Variants in RIMS2 observed in about 807,000 individuals in gnomAD.
RIMS2 encodes the protein regulating synaptic membrane exocytosis protein 2.
In RIMS2, 59 loss-of-function variants were observed where a neutral mutation model predicts 174.4. The ratio of observed to expected loss-of-function variants is 0.34; its 90% CI spans 0.27 to 0.42. RIMS2 has a LOEUF of 0.42. RIMS2 is among the 10% of genes least tolerant of loss of function. The probability of loss-of-function intolerance (pLI) is 1.00; values close to 1 mark genes in which losing one functional copy is unlikely to be tolerated. For synonymous variants in RIMS2, 606 were observed against 572.5 expected (o/e 1.06, Z -0.84); for missense variants, 1,620 against 1,666.3 (o/e 0.97, Z 0.48).
intron 3 of RIMS2, among the ~76,000 whole-genome samples, chr8:103,875,217 A>G (rs922538908): frequency 1.6e-4 from 24 of 151,938 alleles, no homozygotes; most frequent in Admixed American, 1.4e-3. Context: ...CCTGTCCCCT[A>G]TATAGTGTAT....
At chr8:104,167,575 T>C (rs550870916) in intron 19 of RIMS2, among the ~76,000 whole-genome samples, 12 of 152,210 alleles carry the variant, frequency 7.9e-5, no homozygotes, top group Admixed American at 7.2e-4. Context: ...TGGATATTAG[T>C]CCTTTGTCAG....
chr8:103,961,045 T>G lies in RIMS2; in HGVS notation c.2702-20T>G. Reference sequence around the variant, plus strand: ...TTAGAGAATCAGAATTTTTAATTATTGCTATTGTTTACTTTATAGGGTCAA... The same window carrying G: ...TTAGAGAATCAGAATTTTTAATTATGGCTATTGTTTACTTTATAGGGTCAA... On this transcript the variant is annotated intron_variant, in intron 14 of 23. Coordinates refer to ENST00000504942, the Ensembl canonical transcript of RIMS2. 8.0e-7 allele frequency: 1 copy of G among 1,247,242 alleles called. No individual in the cohort carries two copies. The allele number at this position is 1,247,242 out of a possible 1,614,324, so 77.3% of individuals were successfully genotyped here.
intron 1 of RIMS2, among the ~76,000 whole-genome samples, chr8:103,542,899 A>G (rs918384143): frequency 6.6e-6 from 1 of 152,194 alleles, no homozygotes; most frequent in African/African-American, 2.4e-5. Context: ...TTACATCACA[A>G]ACTCACAACT....
intron 3 of RIMS2, among the ~76,000 whole-genome samples, chr8:103,805,100 A>T (rs368304571): frequency 1.3e-5 from 2 of 150,954 alleles, no homozygotes; most frequent in African/African-American, 5.0e-5. Context: ...GCCTCATTTA[A>T]AAAAAAGTGT....
chr8:104,223,933 C>T, intron 19 of RIMS2: 1 of 668,212 alleles, frequency 1.5e-6, no homozygotes, highest in Non-Finnish European at 2.5e-6. Flanking sequence ...GGGGCGACAG[C>T]CCTAGAGCAC....
intron 3 of RIMS2, among the ~76,000 whole-genome samples, chr8:103,829,878 AC>A: frequency 6.6e-6 from 1 of 152,318 alleles, no homozygotes; most frequent in Admixed American, 6.5e-5. Flanking sequence ...AGATAATAAC[AC>A]TATGATGATG....
intron 19 of RIMS2, among the ~76,000 whole-genome samples, chr8:104,072,430 A>C (rs1460368028): frequency 6.6e-6 from 1 of 152,180 alleles, no homozygotes; most frequent in East Asian, 1.9e-4. Flanking sequence ...TTTAACAAAT[A>C]AGGGAACTAA....
intron 1 of RIMS2, among the ~76,000 whole-genome samples, chr8:103,573,542 G>A (rs2092992416): frequency 6.6e-6 from 1 of 152,010 alleles, no homozygotes. Flanking sequence ...GTGCAGCTTT[G>A]TTTTTGGGTT....
chr8:103,777,840 T>A (rs898602146), intron 3 of RIMS2, among the ~76,000 whole-genome samples: 2 of 151,988 alleles, frequency 1.3e-5, no homozygotes, highest in African/African-American at 4.8e-5. Context: ...CTTAAAAAGA[T>A]AAAAATAGAA....
intron 3 of RIMS2, among the ~76,000 whole-genome samples, chr8:103,780,133 T>C (rs563753542): frequency 6.6e-6 from 1 of 152,310 alleles, no homozygotes; most frequent in South Asian, 2.1e-4. Flanking sequence ...GAGTCCTTTA[T>C]ATGTTACTTG....
At chr8:103,681,429 T>C (rs988959993) in intron 1 of RIMS2, among the ~76,000 whole-genome samples, 4 of 151,926 alleles carry the variant, frequency 2.6e-5, no homozygotes, top group East Asian at 1.9e-4. Flanking sequence ...GGAAATCAAA[T>C]TGGGGAAGGG....
chr8:103,884,661 A>G (rs930094552), intron 3 of RIMS2, among the ~76,000 whole-genome samples: 1 of 151,910 alleles, frequency 6.6e-6, no homozygotes, highest in African/African-American at 2.4e-5. Context: ...TCTGATTTCT[A>G]GGATTTTTGT....
intron 19 of RIMS2, among the ~76,000 whole-genome samples, chr8:104,075,349 G>A (rs572876555): frequency 3.3e-5 from 5 of 152,288 alleles, no homozygotes; most frequent in Admixed American, 3.3e-4. Flanking sequence ...AATGAATGAA[G>A]CATTCTTCTT....
intron 1 of RIMS2, among the ~76,000 whole-genome samples, chr8:103,544,535 A>G (rs1587295279): frequency 6.6e-6 from 1 of 151,924 alleles, no homozygotes; most frequent in Admixed American, 6.6e-5. Flanking sequence ...AGGGCAGGCA[A>G]CTCTACCCTC....
rs1398917679 is a variant in RIMS2 at position 103,604,477 on chromosome 8, C to T, written c.177-92609C>T. Among the ~76,000 whole-genome samples the T allele has an allele frequency of 3.9e-3, 592 of 151,782 alleles. 2 individuals carry two copies. The highest frequency in any genetic ancestry group is 8.0e-3 in the African/African-American group (330 of 41,408). On this transcript the variant is annotated intron_variant, in intron 1 of 23. Transcript: ENST00000504942. ...TTTTGGCTTAGGATTGACTTGGCAA[C>T]GCGGGCTCTTTTTTGGTTCCATATG...
At chr8:103,997,167 T>C (rs753934954) in intron 17 of RIMS2, among the ~76,000 whole-genome samples, 33 of 151,834 alleles carry the variant, frequency 2.2e-4, no homozygotes, top group Admixed American at 3.9e-4. Context: ...TATTTTAAGA[T>C]GTTCTATGTT....
intron 3 of RIMS2, among the ~76,000 whole-genome samples, chr8:103,831,537 G>C (rs1273613607): frequency 6.6e-6 from 1 of 152,140 alleles, no homozygotes; most frequent in Non-Finnish European, 1.5e-5. Context: ...GGACACAGAG[G>C]AGCTCCAGAG....
intron 19 of RIMS2, among the ~76,000 whole-genome samples, chr8:104,121,886 G>A (rs993093103): frequency 4.6e-5 from 7 of 152,242 alleles, no homozygotes; most frequent in Non-Finnish European, 7.4e-5. Context: ...ACTTGAATCC[G>A]GAAGGCGGAG....
exon 14 of RIMS2, chr8:103,942,790 A>G: frequency 6.2e-7 from 1 of 1,612,060 alleles, no homozygotes; most frequent in Non-Finnish European, 8.5e-7. Context: ...TTGAATTAGA[A>G]ACAGCATTAT....
Sources: allele counts gnomAD v4.1 joint callset (sites outside exome capture counted in the v4.1 genomes callset), GRCh38; gene constraint gnomAD v4.1.1; transcripts MANE v1.5; gene names NCBI Gene and HGNC (gene_info 2026-07-23, HGNC 2026-07-21).